TTBK2: variants seen among roughly 807,000 people sequenced by gnomAD.
TTBK2 encodes the protein tau tubulin kinase 2, also known as tau-tubulin kinase 2.
Under a neutral mutation model 110.8 loss-of-function variants are expected in TTBK2, and 28 were observed. The observed-to-expected ratio is 0.25, with a 90% CI of 0.19 to 0.35. The LOEUF is 0.35. Ranked by LOEUF, TTBK2 falls within the 10% of genes least tolerant of loss-of-function variation. The pLI, the probability that TTBK2 is intolerant of heterozygous loss-of-function variation, is 1.00. For synonymous variants in TTBK2, 532 were observed against 527.3 expected (o/e 1.01, Z -0.12); for missense variants, 1,369 against 1,500.3 (o/e 0.91, Z 1.45).
At chr15:42,768,322 T>A (rs1371754479) in intron 13 of TTBK2, among the ~76,000 whole-genome samples, 1 of 152,234 alleles carries the variant, frequency 6.6e-6, no homozygotes, top group East Asian at 1.9e-4. Flanking sequence ...GAAGTCAAAT[T>A]GTCCCTGTTT....
At position 42,744,493 on chromosome 15, in the gene TTBK2, A is replaced by G. The variant is rs1438019575; in HGVS notation, c.*1302T>C. The G allele has an allele frequency of 1.3e-5, 2 of 152,214 alleles. No homozygotes were observed. The highest frequency in any genetic ancestry group is 2.9e-5 in the Non-Finnish European group (2 of 68,020). The allele number at this position is 152,214 out of a possible 1,614,324, so 9.4% of individuals were successfully genotyped here. ...TCTTTACAACACAAAACACCTAGAGAGTATAAAAACAGCCCATTTTAAAAG... is the reference window on the plus strand; with the variant it reads ...TCTTTACAACACAAAACACCTAGAGGGTATAAAAACAGCCCATTTTAAAAG... On this transcript the variant is annotated 3_prime_UTR_variant, in exon 15 of 15. Coordinates refer to ENST00000267890, the MANE Select transcript of TTBK2 (RefSeq NM_173500.4).
At chr15:42,778,056 C>T (rs1198743916) in intron 11 of TTBK2, among the ~76,000 whole-genome samples, 1 of 151,420 alleles carries the variant, frequency 6.6e-6, no homozygotes, top group Non-Finnish European at 1.5e-5. Flanking sequence ...CATGAGAAGG[C>T]CTGCTACCAT....
chr15:42,799,805 A>G (rs1475334165), intron 9 of TTBK2, among the ~76,000 whole-genome samples: 1 of 152,118 alleles, frequency 6.6e-6, no homozygotes, highest in Non-Finnish European at 1.5e-5. Flanking sequence ...GCACTTATGA[A>G]TAAGAAGCAG....
intron 5 of TTBK2, 42 bp downstream of exon 5, chr15:42,829,896 G>C: frequency 6.2e-7 from 1 of 1,611,610 alleles, no homozygotes; most frequent in South Asian, 1.1e-5. Context: ...AACATTAAAA[G>C]TATCAAACTC....
chr15:42,906,072 C>T (rs1423004109), intron 1 of TTBK2, among the ~76,000 whole-genome samples: 1 of 152,098 alleles, frequency 6.6e-6, no homozygotes. Flanking sequence ...CCTGTAATCC[C>T]AGCTATTCGG....
At position 42,853,930 on chromosome 15, in the gene TTBK2, AT is replaced by A. The variant is rs557212348; in HGVS notation, c.218-13498del. Among the ~76,000 whole-genome samples the A allele has an allele frequency of 8.9e-3, 1,244 of 139,790 alleles. 22 individuals carry two copies. Among genetic ancestry groups the A allele is most frequent in the African/African-American group, 0.038 (1,178 of 31,222 alleles). The allele number at this position is 139,790 out of a possible 152,430, so 91.7% of individuals were successfully genotyped here. The stretch of plus-strand genomic sequence containing the variant: ...AAATGAGAAATCAGATCTACAGAAT[AT>A]TTTTTTTTTATTTATTTACTTAGAC... On this transcript the variant is annotated intron_variant, in intron 3 of 14. Transcript: ENST00000267890.
chr15:42,825,168 G>A (rs941722511), intron 6 of TTBK2, among the ~76,000 whole-genome samples: 1 of 151,906 alleles, frequency 6.6e-6, no homozygotes, highest in Non-Finnish European at 1.5e-5. Context: ...GAGGGAAGAG[G>A]GAGAGAGGCA....
intron 1 of TTBK2, among the ~76,000 whole-genome samples, chr15:42,890,004 C>T (rs1452396736): frequency 6.6e-6 from 1 of 152,154 alleles, no homozygotes; most frequent in East Asian, 1.9e-4. Context: ...TCTCCTGTGA[C>T]CTGCACGTAT....
At chr15:42,783,730 ATAAT>A in intron 10 of TTBK2, 95 bp from the exon 11 acceptor site, 1 of 1,005,776 alleles carries the variant, frequency 9.9e-7, no homozygotes, top group Non-Finnish European at 1.5e-6. Context: ...AACTCCACAC[ATAAT>A]TAAGAGAGTT....
intron 1 of TTBK2, among the ~76,000 whole-genome samples, chr15:42,917,844 T>A (rs2031164603): frequency 6.6e-6 from 1 of 152,156 alleles, no homozygotes; most frequent in South Asian, 2.1e-4. Flanking sequence ...AAAAAATGAA[T>A]ACATGACTAG....
Position 42,840,246 on chromosome 15 carries a change from T to G in TTBK2, c.291+114A>C, listed in dbSNP as rs541067085. On this transcript the variant is annotated intron_variant, in intron 4 of 14. Transcript: ENST00000267890. ...TAAATACAGTTCCATCTGCATAGTATAAAACATTCTCACATGGTACTAAGA... is the reference window on the plus strand; with the variant it reads ...TAAATACAGTTCCATCTGCATAGTAGAAAACATTCTCACATGGTACTAAGA... The G allele has an allele frequency of 3.1e-4, 297 of 960,474 alleles. No homozygotes were observed. In the African/African-American group the frequency reaches 4.3e-3, roughly 14 times the overall value. The allele number at this position is 960,474 out of a possible 1,614,324, so 59.5% of individuals were successfully genotyped here.
intron 13 of TTBK2, 101 bp downstream of exon 13, chr15:42,775,034 T>C: frequency 1.5e-6 from 2 of 1,292,940 alleles, no homozygotes; most frequent in Middle Eastern, 2.0e-4. Context: ...TCTGCAAAAT[T>C]TAGGCCTGTA....
chr15:42,800,811 AG>A (rs1032194554), intron 9 of TTBK2, among the ~76,000 whole-genome samples: 1 of 150,880 alleles, frequency 6.6e-6, no homozygotes, highest in Non-Finnish European at 1.5e-5. Context: ...GGCATGGGCA[AG>A]GGGGGGTCCC....
chr15:42,794,885 A>G, intron 9 of TTBK2, 84 bp from the exon 10 acceptor site: 2 of 1,561,974 alleles, frequency 1.3e-6, no homozygotes, highest in African/African-American at 1.4e-5. Context: ...CCAGACTCAT[A>G]AAATGATTTT....
chr15:42,777,174 T>C lies in TTBK2; in HGVS notation c.1266A>G (p.Ser422=), dbSNP rs370773246. ...TAATCTCTGAGCGGACACGAATTGGTGACCCAAGGCTTGGAGCATTGAGAA... is the reference window on the plus strand; with the variant it reads ...TAATCTCTGAGCGGACACGAATTGGCGACCCAAGGCTTGGAGCATTGAGAA... ...NGLLNAPSLG[S]PIRVRSEITQ... Residue 422 remains serine, a synonymous_variant, in exon 12 of 15, where the codon TCA becomes TCG. Transcript: ENST00000267890. 17 of 1,614,066 alleles carry C rather than the reference T, an allele frequency of 1.1e-5. No individual in the cohort carries two copies. In the South Asian group the frequency reaches 1.3e-4, roughly 13 times the overall value.
intron 3 of TTBK2, among the ~76,000 whole-genome samples, chr15:42,849,899 C>T (rs142919278): frequency 5.5e-4 from 84 of 152,270 alleles, no homozygotes; most frequent in Middle Eastern, 3.4e-3. Context: ...CCCTCTTCTA[C>T]AATCTTTCAT....
At chr15:42,798,112 G>C (rs1353025883) in intron 9 of TTBK2, 23 of 413,432 alleles carry the variant, frequency 5.6e-5, no homozygotes, top group Non-Finnish European at 9.6e-5. Context: ...TGAAACTCCT[G>C]ACCTCAGGTG....
chr15:42,765,727 A>G (rs1020231732), intron 13 of TTBK2, among the ~76,000 whole-genome samples: 2 of 152,218 alleles, frequency 1.3e-5, no homozygotes, highest in Non-Finnish European at 2.9e-5. Flanking sequence ...TCCCCAATCT[A>G]GCAAGGCAGG....
chr15:42,801,163 T>C (rs1891177884), intron 9 of TTBK2: 1 of 1,261,596 alleles, frequency 7.9e-7, no homozygotes, highest in Non-Finnish European at 1.2e-6. Flanking sequence ...CCTGCATAGC[T>C]GCTGGTGGTC....
Sources: allele counts gnomAD v4.1 joint callset (sites outside exome capture counted in the v4.1 genomes callset), GRCh38; gene constraint gnomAD v4.1.1; transcripts MANE v1.5; gene names NCBI Gene and HGNC (gene_info 2026-07-23, HGNC 2026-07-21).